STX19: variants seen among roughly 807,000 people sequenced by gnomAD.
STX19 encodes the protein syntaxin 19.
In STX19, 26 loss-of-function variants were observed where a neutral mutation model predicts 24.3. The observed-to-expected ratio is 1.07, with a 90% CI of 0.78 to 1.48. The LOEUF (loss-of-function observed/expected upper bound fraction) is 1.48, where lower values mean the gene tolerates loss of function less well. STX19 is among the 40% of genes most tolerant of loss of function. The pLI, the probability that STX19 is intolerant of heterozygous loss-of-function variation, is 0.00. For missense variants in STX19, 367 were observed against 331.9 expected (o/e 1.11, Z -0.82); for synonymous variants, 116 against 106.9 (o/e 1.09, Z -0.52).
intron 1 of STX19, among the ~76,000 whole-genome samples, chr3:94,023,020 C>A (rs1405028437): frequency 2.6e-5 from 4 of 151,630 alleles, no homozygotes; most frequent in African/African-American, 9.7e-5. Flanking sequence ...TCTAATGTAA[C>A]CTGATTGTGT....
intron 1 of STX19, among the ~76,000 whole-genome samples, chr3:94,027,396 CTAAA>C (rs1193397034): frequency 6.6e-6 from 1 of 151,832 alleles, no homozygotes; most frequent in Non-Finnish European, 1.5e-5. Context: ...TTTATTTAGT[CTAAA>C]TAACTTATTG....
rs761782803 is a variant in STX19 at position 94,015,036 on chromosome 3, C to G, written c.234G>C (p.Leu78=). 3.1e-6 allele frequency: 5 copies of G among 1,614,012 alleles called. No homozygotes were observed. Among genetic ancestry groups the G allele is most frequent in the Non-Finnish European group, 4.2e-6 (5 of 1,179,942 alleles). Residue 78 remains leucine, a synonymous_variant, in exon 2 of 2, where the codon CTG becomes CTC. Transcript: ENST00000315099. ...GACTAAACCTTCTCATTGAAGCCACCAGACTTTTCTGTTGCTGCCCAAATT... is the reference window on the plus strand; with the variant it reads ...GACTAAACCTTCTCATTGAAGCCACGAGACTTTTCTGTTGCTGCCCAAATT... ...VQKFGQQQKS[L]VASMRRFSLL... is the part of the protein sequence containing the mutation.
In STX19 at chr3:94,014,769, T is replaced by A; in HGVS notation, c.501A>T (p.Leu167Phe). Residue 167 changes from leucine (L) to phenylalanine (F), a missense_variant, in exon 2 of 2, where the codon TTA becomes TTT. Transcript: ENST00000315099. ...AKQEKCKTFI[L>F]RQLEVAGKEM... is the part of the protein sequence containing the mutation. The stretch of plus-strand genomic sequence containing the variant: ...CTTTTCCAGCAACTTCAAGCTGACG[T>A]AAAATAAATGTCTTGCACTTCTCTT... The A allele has an allele frequency of 6.2e-7, 1 of 1,613,752 alleles. No individual in the cohort carries two copies. The highest frequency in any genetic ancestry group is 8.5e-7 in the Non-Finnish European group (1 of 1,179,908).
At chr3:94,021,888 A>AT (rs1385149143) in intron 1 of STX19, among the ~76,000 whole-genome samples, 1 of 152,016 alleles carries the variant, frequency 6.6e-6, no homozygotes, top group Non-Finnish European at 1.5e-5. Flanking sequence ...TAAAAATGTT[A>AT]TTTTTTCCCT....
At chr3:94,019,204 T>A (rs2076397038) in intron 1 of STX19, among the ~76,000 whole-genome samples, 1 of 151,710 alleles carries the variant, frequency 6.6e-6, no homozygotes, top group Non-Finnish European at 1.5e-5. Context: ...TTTTGTTAAT[T>A]TTTTATTTTT....
intron 1 of STX19, among the ~76,000 whole-genome samples, chr3:94,017,138 G>C (rs1464600823): frequency 6.6e-6 from 1 of 152,174 alleles, no homozygotes; most frequent in Non-Finnish European, 1.5e-5. Context: ...GACTAGCATG[G>C]AAAGGATGAG....
intron 1 of STX19, among the ~76,000 whole-genome samples, chr3:94,018,736 C>T (rs13100168): frequency 0.081 from 12,319 of 152,136 alleles, 624 homozygotes; most frequent in Middle Eastern, 0.19. Flanking sequence ...CTCTATTTTT[C>T]CAGTTGCTCA....
At chr3:94,028,239 C>T (rs927319848) in intron 1 of STX19, 128 bp downstream of exon 1, 8 of 152,136 alleles carry the variant, frequency 5.3e-5, no homozygotes, top group Non-Finnish European at 7.4e-5. Context: ...ACTGGTACCC[C>T]GGTCCAAATC....
chr3:94,026,696 A>G (rs1467252949), intron 1 of STX19, among the ~76,000 whole-genome samples: 1 of 152,202 alleles, frequency 6.6e-6, no homozygotes, highest in African/African-American at 2.4e-5. Context: ...GGTGAAATTG[A>G]TGAAATTACT....
chr3:94,016,751 AT>A (rs1011264707), intron 1 of STX19, among the ~76,000 whole-genome samples: 2 of 150,348 alleles, frequency 1.3e-5, no homozygotes, highest in African/African-American at 4.9e-5. Flanking sequence ...GGTTTAAGTG[AT>A]TCTCCTGCCT....
intron 1 of STX19, among the ~76,000 whole-genome samples, chr3:94,026,894 T>A (rs1438929487): frequency 6.6e-6 from 1 of 152,156 alleles, no homozygotes; most frequent in Non-Finnish European, 1.5e-5. Flanking sequence ...GTATGTATGA[T>A]AATCAACTTG....
At chr3:94,021,913 A>C (rs2076456360) in intron 1 of STX19, among the ~76,000 whole-genome samples, 1 of 152,162 alleles carries the variant, frequency 6.6e-6, no homozygotes, top group Non-Finnish European at 1.5e-5. Context: ...TTAATAATGC[A>C]TGTACACAGG....
intron 1 of STX19, among the ~76,000 whole-genome samples, chr3:94,027,747 A>G (rs1350758799): frequency 1.3e-5 from 2 of 152,008 alleles, no homozygotes; most frequent in African/African-American, 4.8e-5. Context: ...TATCAATTAA[A>G]TGCTAACACT....
At chr3:94,015,347 A>G (rs891124746) in intron 1 of STX19, 65 bp from the exon 2 acceptor site, 118 of 1,228,936 alleles carry the variant, frequency 9.6e-5, no homozygotes, top group Non-Finnish European at 1.2e-4. Flanking sequence ...GTAGCAGTTG[A>G]CTTCACATAA....
At chr3:94,018,342 G>A (rs546422730) in intron 1 of STX19, among the ~76,000 whole-genome samples, 2 of 152,254 alleles carry the variant, frequency 1.3e-5, no homozygotes, top group Admixed American at 1.3e-4. Flanking sequence ...GAAACTAGAA[G>A]CAATAGGACT....
chr3:94,027,298 A>G (rs2076577675), intron 1 of STX19, among the ~76,000 whole-genome samples: 1 of 151,434 alleles, frequency 6.6e-6, no homozygotes, highest in African/African-American at 2.4e-5. Flanking sequence ...TCTAAAAACT[A>G]AAAAAAAATT....
At chr3:94,026,306 C>T (rs1032987107) in intron 1 of STX19, among the ~76,000 whole-genome samples, 1 of 152,184 alleles carries the variant, frequency 6.6e-6, no homozygotes, top group Non-Finnish European at 1.5e-5. Flanking sequence ...CTTACGATTA[C>T]ATCAAATTCT....
intron 1 of STX19, among the ~76,000 whole-genome samples, chr3:94,024,431 G>A (rs1217065708): frequency 6.6e-6 from 1 of 152,150 alleles, no homozygotes. Flanking sequence ...TTTATACAAT[G>A]GTTCAGTAGC....
At chr3:94,020,247 T>A (rs1030819310) in intron 1 of STX19, among the ~76,000 whole-genome samples, 3 of 152,206 alleles carry the variant, frequency 2.0e-5, no homozygotes, top group African/African-American at 7.2e-5. Flanking sequence ...TATCTTAGAT[T>A]TACTTGAGCT....
Sources: gnomAD v4.1 joint callset for allele counts (sites outside exome capture counted in the v4.1 genomes callset) on GRCh38, gnomAD v4.1.1 for gene constraint, MANE v1.5 for transcripts, NCBI Gene and HGNC (gene_info 2026-07-23, HGNC 2026-07-21) for gene names.